Variants in ROBO1 observed in about 807,000 individuals in gnomAD.
ROBO1 encodes roundabout guidance receptor 1.
In ROBO1, 149 loss-of-function variants were observed where a neutral mutation model predicts 195.9. The observed-to-expected ratio is 0.76, with a 90% CI of 0.67 to 0.87. ROBO1 has a LOEUF of 0.87. ROBO1 is among the 40% of genes least tolerant of loss of function. The pLI is 0.00. For missense variants in ROBO1, 1,933 were observed against 2,068.3 expected, an observed-to-expected ratio of 0.93 and a Z score of 1.27; for synonymous variants, 816 against 733.2, an observed-to-expected ratio of 1.11 and a Z score of -1.82.
At chr3:78,768,905 C>T (rs1438675210) in intron 4 of ROBO1, among the ~76,000 whole-genome samples, 4 of 147,172 alleles carry the variant, frequency 2.7e-5, no homozygotes, top group Admixed American at 7.0e-5. Context: ...TGAGAATATG[C>T]GGTGTTTGGT....
chr3:79,497,598 G>C (rs1939821682), intron 2 of ROBO1, among the ~76,000 whole-genome samples: 2 of 151,998 alleles, frequency 1.3e-5, no homozygotes, highest in Middle Eastern at 3.2e-3. Flanking sequence ...TAAATATTAA[G>C]TAAATGACAT....
chr3:79,128,098 C>T (rs1484467340), intron 2 of ROBO1, among the ~76,000 whole-genome samples: 1 of 152,166 alleles, frequency 6.6e-6, no homozygotes, highest in African/African-American at 2.4e-5. Flanking sequence ...AGTCCAAAGA[C>T]ATTTACTTAA....
chr3:79,528,727 T>C (rs1192383120), intron 2 of ROBO1, among the ~76,000 whole-genome samples: 1 of 152,186 alleles, frequency 6.6e-6, no homozygotes, highest in East Asian at 1.9e-4. Flanking sequence ...CATAACCATG[T>C]AATTTTAAAA....
At chr3:78,999,404 C>G (rs2077445020) in intron 3 of ROBO1, among the ~76,000 whole-genome samples, 1 of 152,022 alleles carries the variant, frequency 6.6e-6, no homozygotes, top group Non-Finnish European at 1.5e-5. Context: ...AACATGGATA[C>G]AGCTGAAAGC....
At chr3:78,682,011 A>C (rs1424802962) in intron 10 of ROBO1, among the ~76,000 whole-genome samples, 1 of 152,178 alleles carries the variant, frequency 6.6e-6, no homozygotes, top group East Asian at 1.9e-4. Flanking sequence ...GTTAAGGAAT[A>C]TACACTTTAT....
chr3:78,957,224 A>C (rs1292384085), intron 3 of ROBO1, among the ~76,000 whole-genome samples: 1 of 151,310 alleles, frequency 6.6e-6, no homozygotes, highest in Non-Finnish European at 1.5e-5. Flanking sequence ...TTTTGCATTC[A>C]TTTATTCACT....
At chr3:79,079,953 A>G (rs542137850) in intron 3 of ROBO1, among the ~76,000 whole-genome samples, 2 of 151,806 alleles carry the variant, frequency 1.3e-5, no homozygotes, top group Admixed American at 1.3e-4. Flanking sequence ...AATGTTTTTT[A>G]TTAAAAAACA....
At position 79,012,124 on chromosome 3, in the gene ROBO1, C is replaced by A. The variant is rs117315360; in HGVS notation, c.173-73197G>T. Among the ~76,000 whole-genome samples, 128 of 152,230 alleles carry A rather than the reference C, an allele frequency of 8.4e-4. 4 individuals carry two copies. In the East Asian group the frequency reaches 0.02, roughly 24 times the overall value. On this transcript the variant is annotated intron_variant, in intron 3 of 30. Coordinates refer to ENST00000464233, the MANE Select transcript of ROBO1 (RefSeq NM_002941.4). ...GTGTTTTAACTGTGAGCTGTTATTG[C>A]CAGAAGTAGCTTAAAAATGTTTTCT...
intron 2 of ROBO1, among the ~76,000 whole-genome samples, chr3:79,374,248 G>A (rs1381279818): frequency 6.6e-6 from 1 of 152,068 alleles, no homozygotes; most frequent in African/African-American, 2.4e-5. Flanking sequence ...AGTCTCTTAT[G>A]AAATATGTAA....
At chr3:79,408,659 T>C (rs1302721309) in intron 2 of ROBO1, among the ~76,000 whole-genome samples, 2 of 152,122 alleles carry the variant, frequency 1.3e-5, no homozygotes, top group Non-Finnish European at 2.9e-5. Context: ...GCCTGTCTTT[T>C]CCCAGCAGAT....
At chr3:79,299,471 AT>A (rs565589679) in intron 2 of ROBO1, among the ~76,000 whole-genome samples, 164 of 152,272 alleles carry the variant, frequency 1.1e-3, no homozygotes, top group Non-Finnish European at 1.9e-3. Context: ...ATTTTCGTTT[AT>A]TATATAAATA....
chr3:78,639,683 A>G, intron 22 of ROBO1, 61 bp downstream of exon 22: 1 of 1,462,670 alleles, frequency 6.8e-7, no homozygotes, highest in Non-Finnish European at 9.3e-7. Flanking sequence ...GGGAAAGAAA[A>G]GATCTTCTGG....
At chr3:79,339,338 C>A (rs2034812923) in intron 2 of ROBO1, among the ~76,000 whole-genome samples, 1 of 152,122 alleles carries the variant, frequency 6.6e-6, no homozygotes, top group African/African-American at 2.4e-5. Flanking sequence ...CCTGCTTGAT[C>A]TTCCTCATCC....
chr3:79,139,047 T>A (rs1323007598), intron 2 of ROBO1, among the ~76,000 whole-genome samples: 2 of 151,746 alleles, frequency 1.3e-5, no homozygotes, highest in Non-Finnish European at 2.9e-5. Context: ...TTGGTTTAAG[T>A]TAATTTGGGG....
chr3:78,622,652 G>A (rs949541572), intron 26 of ROBO1, among the ~76,000 whole-genome samples: 2 of 152,148 alleles, frequency 1.3e-5, no homozygotes, highest in South Asian at 2.1e-4. Context: ...CAACACTCTC[G>A]AATCTGGATG....
intron 2 of ROBO1, among the ~76,000 whole-genome samples, chr3:79,384,430 A>C (rs1364284015): frequency 6.6e-6 from 1 of 152,026 alleles, no homozygotes; most frequent in African/African-American, 2.4e-5. Context: ...ACATGTAAAT[A>C]GGTATTTGTC....
intron 1 of ROBO1, among the ~76,000 whole-genome samples, chr3:79,705,685 C>T (rs570940765): frequency 3.9e-5 from 6 of 152,064 alleles, no homozygotes; most frequent in African/African-American, 1.4e-4. Flanking sequence ...TTCATATAAA[C>T]CCTAGAATAA....
chr3:79,244,493 A>C (rs79359400), intron 2 of ROBO1, among the ~76,000 whole-genome samples: 2,855 of 152,238 alleles, frequency 0.019, 87 homozygotes, highest in African/African-American at 0.064. Flanking sequence ...GCACTCAGGA[A>C]GTTTATTGCA....
intron 1 of ROBO1, among the ~76,000 whole-genome samples, chr3:79,645,919 A>G (rs1236124115): frequency 6.6e-6 from 1 of 152,174 alleles, no homozygotes; most frequent in East Asian, 1.9e-4. Flanking sequence ...TACCCTCTAC[A>G]AAACTCAACT....
Sources: allele counts gnomAD v4.1 joint callset (sites outside exome capture counted in the v4.1 genomes callset), GRCh38; gene constraint gnomAD v4.1.1; transcripts MANE v1.5; gene names NCBI Gene and HGNC (gene_info 2026-07-23, HGNC 2026-07-21).